ELP1: variants seen among roughly 807,000 people sequenced by gnomAD.
ELP1 encodes elongator acetyltransferase complex subunit 1.
A neutral mutation model predicts 183.2 loss-of-function variants in ELP1; 131 were observed. The ratio of observed to expected loss-of-function variants is 0.72; its 90% confidence interval spans 0.62 to 0.83. The LOEUF is 0.83. Ranked by LOEUF, ELP1 falls within the 40% of genes least tolerant of loss-of-function variation. The probability of loss-of-function intolerance (pLI) is 0.00; values close to 1 mark genes in which losing one functional copy is unlikely to be tolerated. For synonymous variants in ELP1, 555 were observed against 569.0 expected, an observed-to-expected ratio of 0.98 and a Z score of 0.35; for missense variants, 1,550 against 1,594.9, an observed-to-expected ratio of 0.97 and a Z score of 0.48.
intron 1 of ELP1, among the ~76,000 whole-genome samples, chr9:108,931,829 A>T (rs1211536466): frequency 6.6e-6 from 1 of 152,252 alleles, no homozygotes; most frequent in Non-Finnish European, 1.5e-5. Context: ...GACCTGACAT[A>T]ACTACTTCCA....
At chr9:108,870,969 AT>A (rs33952302) in intron 36 of ELP1, among the ~76,000 whole-genome samples, 4,640 of 83,708 alleles carry the variant, frequency 0.055, 90 homozygotes, top group African/African-American at 0.16. Context: ...TTCATGCACC[AT>A]TTTTTTTTTT....
intron 9 of ELP1, among the ~76,000 whole-genome samples, chr9:108,917,070 C>A (rs1207137872): frequency 6.6e-6 from 1 of 152,202 alleles, no homozygotes; most frequent in Non-Finnish European, 1.5e-5. Flanking sequence ...TGCAAAATCA[C>A]TGGAAAAACA....
At chr9:108,905,083 A>G (rs1200911337) in intron 14 of ELP1, among the ~76,000 whole-genome samples, 3 of 152,234 alleles carry the variant, frequency 2.0e-5, no homozygotes, top group Non-Finnish European at 4.4e-5. Context: ...AGTGCTACAT[A>G]TTTCTAGAAC....
In ELP1 at chr9:108,916,857, A is replaced by G. The variant is rs529308513; in HGVS notation, c.865-560T>C. On this transcript the variant is annotated intron_variant, in intron 9 of 36. Transcript: ENST00000374647. ...CGTCTCTCAACTTAGGATGTTTAAA[A>G]TTTTACACAGAGATACCATTTGATG... Among the ~76,000 whole-genome samples, 32 of 152,322 alleles carry G rather than the reference A, an allele frequency of 2.1e-4. No individual in the cohort carries two copies. The Middle Eastern group carries it at 0.02, about 97-fold the overall frequency.
intron 10 of ELP1, among the ~76,000 whole-genome samples, chr9:108,914,910 G>A (rs966494858): frequency 6.6e-6 from 1 of 152,128 alleles, no homozygotes; most frequent in African/African-American, 2.4e-5. Context: ...CAAAGTGCAT[G>A]AGCCACCGCA....
intron 35 of ELP1, among the ~76,000 whole-genome samples, chr9:108,876,934 T>A (rs1281840277): frequency 6.6e-6 from 1 of 152,160 alleles, no homozygotes; most frequent in Non-Finnish European, 1.5e-5. Flanking sequence ...CTTCTCCATG[T>A]TGGCCACATT....
chr9:108,890,196 C>T (rs78769934), intron 28 of ELP1, among the ~76,000 whole-genome samples: 2 of 151,896 alleles, frequency 1.3e-5, no homozygotes, highest in East Asian at 1.9e-4. Flanking sequence ...GGAGACCGAA[C>T]GAATAACTAA....
At chr9:108,892,752 G>C (rs2131972770) in intron 27 of ELP1, among the ~76,000 whole-genome samples, 1 of 152,314 alleles carries the variant, frequency 6.6e-6, no homozygotes, top group Admixed American at 6.5e-5. Context: ...TTGGGCTAGA[G>C]GAGGGGTGGG....
At chr9:108,871,356 G>A (rs573253298) in intron 36 of ELP1, among the ~76,000 whole-genome samples, 2 of 152,070 alleles carry the variant, frequency 1.3e-5, no homozygotes, top group Admixed American at 6.6e-5. Flanking sequence ...GGGTGGCCTC[G>A]GGCATTCTCC....
At position 108,926,615 on chromosome 9, in the gene ELP1, A is replaced by G; in HGVS notation, c.386-12T>C. The G allele has an allele frequency of 6.2e-7, 1 of 1,606,574 alleles. No homozygotes were observed. Among genetic ancestry groups the G allele is most frequent in the Non-Finnish European group, 8.5e-7 (1 of 1,175,852 alleles). Reference sequence around the variant, plus strand: ...CAGGGTCTGTTGACCTTAGAGAAACACAAACAAAAATGATTTTGTTTTCAT... The same window carrying G: ...CAGGGTCTGTTGACCTTAGAGAAACGCAAACAAAAATGATTTTGTTTTCAT... On this transcript the variant is annotated splice_polypyrimidine_tract_variant and intron_variant, in intron 4 of 36. Coordinates refer to ENST00000374647, the MANE Select transcript of ELP1 (RefSeq NM_003640.5).
rs1474935347 is a variant in ELP1 at position 108,867,695 on chromosome 9, T to C, written c.*1420A>G. 5.9e-5 allele frequency: 9 copies of C among 152,198 alleles called. No individual in the cohort carries two copies. The highest frequency in any genetic ancestry group is 1.0e-4 in the Non-Finnish European group (7 of 68,038). The allele number at this position is 152,198 out of a possible 1,614,324, so 9.4% of individuals were successfully genotyped here. On this transcript the variant is annotated 3_prime_UTR_variant, in exon 37 of 37. Transcript: ENST00000374647. ...TGGGCACTTAATTACAGCAAACCCA[T>C]GTAAGTCAAAAAGTAGATTTCTCCA...
intron 5 of ELP1, among the ~76,000 whole-genome samples, chr9:108,925,659 C>A (rs1587922751): frequency 6.6e-6 from 1 of 152,160 alleles, no homozygotes; most frequent in Non-Finnish European, 1.5e-5. Context: ...TTCCCTTATG[C>A]TACCCCAGTA....
intron 32 of ELP1, among the ~76,000 whole-genome samples, chr9:108,879,794 G>A (rs570732114): frequency 1.9e-4 from 29 of 152,276 alleles, no homozygotes; most frequent in African/African-American, 6.3e-4. Context: ...TGTTAGACAC[G>A]GAAGTGGTCA....
At chr9:108,927,759 T>C (rs1042658981) in intron 3 of ELP1, among the ~76,000 whole-genome samples, 1 of 152,148 alleles carries the variant, frequency 6.6e-6, no homozygotes, top group African/African-American at 2.4e-5. Context: ...CTGGAGATGA[T>C]TACATTAAGT....
At chr9:108,890,698 C>T (rs1424407229) in intron 28 of ELP1, among the ~76,000 whole-genome samples, 2 of 152,210 alleles carry the variant, frequency 1.3e-5, no homozygotes, top group East Asian at 3.9e-4. Flanking sequence ...TCATTCCTGG[C>T]TATTCCAACA....
Position 108,891,301 on chromosome 9 carries a change from G to A in ELP1, c.3062C>T (p.Ala1021Val), listed in dbSNP as rs1226103389. The change falls in exon 28 of 37, where the codon GCC (alanine) becomes GTC (valine). Residue 1021 changes from alanine (A) to valine (V), a missense_variant. Ala to Val is a moderately conservative substitution (Grantham distance 64, BLOSUM62 0). Coordinates refer to ENST00000374647, the MANE Select transcript of ELP1 (RefSeq NM_003640.5). ...CTTCCAGTTGCCACATGTCAGAAAG[G>A]CTGAGAGAGCTTTCTCGTGGGCACC... ...RCGAHEKALSAFLTCGNWKQA... is the reference protein window; with the variant it reads ...RCGAHEKALSVFLTCGNWKQA... 2 of 1,614,156 alleles carry A rather than the reference G, an allele frequency of 1.2e-6. No homozygotes were observed. The highest frequency in any genetic ancestry group is 1.7e-6 in the Non-Finnish European group (2 of 1,180,000).
At chr9:108,912,146 TA>T in intron 11 of ELP1, 117 bp downstream of exon 11, 1 of 812,724 alleles carries the variant, frequency 1.2e-6, no homozygotes, top group Non-Finnish European at 2.1e-6. Context: ...AAAAAACAAG[TA>T]ACCCAAACAG....
chr9:108,888,419 C>A (rs1210356872), intron 29 of ELP1, among the ~76,000 whole-genome samples: 2 of 152,140 alleles, frequency 1.3e-5, no homozygotes, highest in East Asian at 1.9e-4. Context: ...TACAACTGTA[C>A]AACACATAAT....
chr9:108,912,117 C>T (rs1829246730), intron 11 of ELP1, 147 bp downstream of exon 11: 2 of 718,026 alleles, frequency 2.8e-6, no homozygotes, highest in Admixed American at 4.0e-5. Flanking sequence ...ACATACCCCA[C>T]CTTATATCCC....
Sources: allele counts gnomAD v4.1 joint callset (sites outside exome capture counted in the v4.1 genomes callset), GRCh38; gene constraint gnomAD v4.1.1; transcripts MANE v1.5; gene names NCBI Gene and HGNC (gene_info 2026-07-23, HGNC 2026-07-21).